The following TMEM131L variants were observed in gnomAD, a reference collection of about 807,000 sequenced individuals.
TMEM131L encodes the protein transmembrane protein 131-like.
Under a neutral mutation model 192.2 loss-of-function variants are expected in TMEM131L, and 54 were observed. That is an observed-to-expected ratio of 0.28 (90% CI 0.23 to 0.35). The LOEUF (loss-of-function observed/expected upper bound fraction) is 0.35, where lower values mean the gene tolerates loss of function less well. TMEM131L is among the 10% of genes least tolerant of loss of function. The pLI, the probability that TMEM131L is intolerant of heterozygous loss-of-function variation, is 1.00. For synonymous variants in TMEM131L, 701 were observed against 704.9 expected (o/e 0.99, Z 0.09); for missense variants, 1,888 against 1,972.9 (o/e 0.96, Z 0.82).
intron 3 of TMEM131L, among the ~76,000 whole-genome samples, chr4:153,480,339 A>G (rs1731842111): frequency 6.6e-6 from 1 of 152,070 alleles, no homozygotes; most frequent in Admixed American, 6.6e-5. Flanking sequence ...ACTCCGTCTC[A>G]AAAGAAAACA....
chr4:153,561,435 A>G (rs1191687540), intron 7 of TMEM131L, among the ~76,000 whole-genome samples: 1 of 152,152 alleles, frequency 6.6e-6, no homozygotes, highest in Non-Finnish European at 1.5e-5. Flanking sequence ...TTAATATTAT[A>G]TCTAAAAAGG....
intron 7 of TMEM131L, among the ~76,000 whole-genome samples, chr4:153,575,767 T>C (rs1729892821): frequency 6.6e-6 from 1 of 152,182 alleles, no homozygotes; most frequent in South Asian, 2.1e-4. Flanking sequence ...GTTTCAAAAC[T>C]AGAGAATTAC....
chr4:153,559,873 T>C (rs2150501052), intron 7 of TMEM131L, among the ~76,000 whole-genome samples: 1 of 152,224 alleles, frequency 6.6e-6, no homozygotes, highest in South Asian at 2.1e-4. Flanking sequence ...GTGTGGCTGC[T>C]GTCTCTCTTC....
intron 7 of TMEM131L, among the ~76,000 whole-genome samples, chr4:153,576,962 G>A (rs144901548): frequency 1.3e-5 from 2 of 152,140 alleles, no homozygotes; most frequent in African/African-American, 4.8e-5. Context: ...TTCGAAGCAC[G>A]AGATGCTTAG....
At chr4:153,617,553 T>C (rs1733067607) in intron 26 of TMEM131L, among the ~76,000 whole-genome samples, 1 of 152,176 alleles carries the variant, frequency 6.6e-6, no homozygotes, top group Non-Finnish European at 1.5e-5. Context: ...TAGGGAAAGG[T>C]GAGCATTTTC....
intron 33 of TMEM131L, 63 bp downstream of exon 33, chr4:153,634,343 T>C (rs925835101): frequency 7.7e-7 from 1 of 1,307,038 alleles, no homozygotes. Flanking sequence ...AAGCAGGAAG[T>C]GTGTGGACTA....
chr4:153,586,038 A>AGG (rs1730677716), intron 13 of TMEM131L, among the ~76,000 whole-genome samples, 171 bp from the exon 14 acceptor site: 1 of 152,194 alleles, frequency 6.6e-6, no homozygotes, highest in Non-Finnish European at 1.5e-5. Flanking sequence ...CATCTTAAGC[A>AGG]TTATTTGTAA....
chr4:153,531,256 G>T (rs1580149005), intron 3 of TMEM131L, among the ~76,000 whole-genome samples: 1 of 152,194 alleles, frequency 6.6e-6, no homozygotes, highest in Admixed American at 6.5e-5. Context: ...GGGAAGTGCT[G>T]GAACCCTTGA....
intron 7 of TMEM131L, among the ~76,000 whole-genome samples, chr4:153,579,590 G>A (rs1561209406): frequency 6.6e-6 from 1 of 152,022 alleles, no homozygotes; most frequent in Non-Finnish European, 1.5e-5. Context: ...TCCCACCTCA[G>A]CCTTCCTAGT....
intron 3 of TMEM131L, among the ~76,000 whole-genome samples, chr4:153,483,236 G>GT (rs1378425720): frequency 1.3e-5 from 2 of 152,206 alleles, no homozygotes; most frequent in African/African-American, 4.8e-5. Context: ...GGGAGAAGTG[G>GT]TTTAACTCAG....
chr4:153,524,004 A>G (rs151227504), intron 3 of TMEM131L, among the ~76,000 whole-genome samples: 1 of 152,334 alleles, frequency 6.6e-6, no homozygotes, highest in Non-Finnish European at 1.5e-5. Flanking sequence ...TGTTTATTGT[A>G]GGAAGATTAA....
intron 24 of TMEM131L, 116 bp from the exon 25 acceptor site, chr4:153,603,686 A>T (rs373968057): frequency 8.4e-7 from 1 of 1,196,052 alleles, no homozygotes; most frequent in Non-Finnish European, 1.2e-6. Flanking sequence ...GGAAGAAGGG[A>T]AGGTAAAACT....
intron 12 of TMEM131L, 28 bp downstream of exon 12, chr4:153,584,959 C>A: frequency 6.7e-7 from 1 of 1,491,396 alleles, no homozygotes; most frequent in Non-Finnish European, 9.4e-7. Flanking sequence ...TCCCTGAAAT[C>A]TTGTATGGTT....
At chr4:153,577,439 T>G (rs903734554) in intron 7 of TMEM131L, among the ~76,000 whole-genome samples, 6 of 152,060 alleles carry the variant, frequency 3.9e-5, no homozygotes, top group African/African-American at 1.4e-4. Flanking sequence ...TTTTGTGTAG[T>G]TTTGTGGTGT....
chr4:153,560,203 C>A (rs912863195), intron 7 of TMEM131L, among the ~76,000 whole-genome samples: 1 of 152,158 alleles, frequency 6.6e-6, no homozygotes, highest in African/African-American at 2.4e-5. Flanking sequence ...CTATTCTTTT[C>A]ATCACCCATG....
At chr4:153,523,522 C>T (rs1214370993) in intron 3 of TMEM131L, among the ~76,000 whole-genome samples, 1 of 152,072 alleles carries the variant, frequency 6.6e-6, no homozygotes, top group African/African-American at 2.4e-5. Context: ...GAAGGTAAGA[C>T]TTGGTAAAAA....
intron 33 of TMEM131L, 149 bp from the exon 34 acceptor site, chr4:153,635,283 G>T (rs1734489970): frequency 1.6e-6 from 1 of 636,072 alleles, no homozygotes; most frequent in Non-Finnish European, 2.7e-6. Context: ...GAATGATGTT[G>T]CAACGACTCT....
intron 7 of TMEM131L, among the ~76,000 whole-genome samples, chr4:153,563,456 C>CTTTTTTTTT (rs1177255196): frequency 6.8e-5 from 6 of 88,210 alleles, no homozygotes; most frequent in African/African-American, 1.9e-4. Flanking sequence ...GATATGTACC[C>CTTTTTTTTT]TTTTTTTTTT....
At position 153,580,841 on chromosome 4, in the gene TMEM131L, A is replaced by G; in HGVS notation, c.676A>G (p.Thr226Ala). The change falls in exon 8 of 35, where the codon ACT becomes GCT. Residue 226 changes from threonine to alanine, a missense_variant. Transcript: ENST00000409959. Reference protein sequence around the residue: ...LSQMQAETTNTSLLQVQLECS... With the variant: ...LSQMQAETTNASLLQVQLECS... ...CTTCTTTTAGGCAGAAACCACTAAT[A>G]CTAGCCTCTTGCAGGTGCAACTGGA... 1 of 1,611,980 alleles carries G rather than the reference A, an allele frequency of 6.2e-7. No individual in the cohort carries two copies.
Sources: gnomAD v4.1 joint callset for allele counts (sites outside exome capture counted in the v4.1 genomes callset) on GRCh38, gnomAD v4.1.1 for gene constraint, MANE v1.5 for transcripts, NCBI Gene and HGNC (gene_info 2026-07-23, HGNC 2026-07-21) for gene names.